Variants in ADCY3 observed in about 807,000 individuals in gnomAD.
ADCY3 encodes the protein adenylate cyclase 3.
A neutral mutation model predicts 119.4 loss-of-function variants in ADCY3; 70 were observed. That is an observed-to-expected ratio of 0.59 (90% CI 0.48 to 0.72). ADCY3 has a LOEUF of 0.72. ADCY3 is among the 30% of genes least tolerant of loss of function. The pLI is 0.00. For missense variants in ADCY3, 1,238 were observed against 1,541.6 expected (o/e 0.80, Z 3.30); for synonymous variants, 672 against 621.4 (o/e 1.08, Z -1.21).
At position 24,872,810 on chromosome 2, in the gene ADCY3, G is replaced by T; in HGVS notation, c.676-91C>A. On this transcript the variant is annotated intron_variant, in intron 2 of 21. Coordinates refer to ENST00000679454, the MANE Select transcript of ADCY3 (RefSeq NM_004036.5). This position sits in a 1 kb window ranked among gnomAD's most constrained non-coding sequence, Gnocchi z 4.4. ...AGAAGGGGATGGAGGAGGTGGGGTGGGTGGTGACCAAAATCAAACCTCAAG... is the reference window on the plus strand; with the variant it reads ...AGAAGGGGATGGAGGAGGTGGGGTGTGTGGTGACCAAAATCAAACCTCAAG... 1 of 1,478,090 alleles carries T rather than the reference G, an allele frequency of 6.8e-7. No individual in the cohort carries two copies. Among genetic ancestry groups the T allele is most frequent in the Non-Finnish European group, 9.2e-7 (1 of 1,086,148 alleles). The allele number at this position is 1,478,090 out of a possible 1,614,324, so 91.6% of individuals were successfully genotyped here.
chr2:24,844,408 G>A (rs1042922545), intron 3 of ADCY3, among the ~76,000 whole-genome samples: 2 of 152,236 alleles, frequency 1.3e-5, no homozygotes, highest in East Asian at 1.9e-4. Flanking sequence ...GGCCACAGGA[G>A]CAGGAGCCAG....
chr2:24,880,057 C>A (rs1676208904), intron 2 of ADCY3, among the ~76,000 whole-genome samples: 1 of 152,352 alleles, frequency 6.6e-6, no homozygotes, highest in East Asian at 1.9e-4. Flanking sequence ...GGTGCTGCTG[C>A]CATGCCCTTC....
chr2:24,895,472 G>A (rs115669075), intron 2 of ADCY3, among the ~76,000 whole-genome samples: 1,552 of 152,102 alleles, frequency 0.01, 30 homozygotes, highest in African/African-American at 0.036. Context: ...AAATTTGGAC[G>A]TTTTCCCACC....
Position 24,918,686 on chromosome 2 carries a change from G to C in ADCY3, c.302C>G (p.Ser101Cys), listed in dbSNP as rs1367296616. 6.2e-7 allele frequency: 1 copy of C among 1,614,096 alleles called. No individual in the cohort carries two copies. Among genetic ancestry groups the C allele is most frequent in the Non-Finnish European group, 8.5e-7 (1 of 1,180,010 alleles). The change falls in exon 2 of 22, where the codon TCC (serine) becomes TGC (cysteine). Residue 101 changes from serine to cysteine, a missense_variant. Ser to Cys is a moderately radical substitution (Grantham distance 112). Coordinates refer to ENST00000679454, the MANE Select transcript of ADCY3 (RefSeq NM_004036.5). The surrounding 1 kb of genome is among the most constrained non-coding windows in gnomAD (Gnocchi z 5.4). Reference sequence around the variant, plus strand: ...GGCGAGGGAAGCCAGCTTGTCGCTGGAGAAGACCACAGCACACATGACCAC... The same window carrying C: ...GGCGAGGGAAGCCAGCTTGTCGCTGCAGAAGACCACAGCACACATGACCAC... ...YVVVMCAVVFSSDKLASLAVA... is the reference protein window; with the variant it reads ...YVVVMCAVVFCSDKLASLAVA...
intron 3 of ADCY3, among the ~76,000 whole-genome samples, chr2:24,858,139 C>T (rs969581598): frequency 6.6e-6 from 1 of 151,384 alleles, no homozygotes; most frequent in East Asian, 1.9e-4. Flanking sequence ...GCTGGGACTA[C>T]AGGTGCGCAC....
At position 24,842,412 on chromosome 2, in the gene ADCY3, C is replaced by T; in HGVS notation, c.826-28G>A. On this transcript the variant is annotated intron_variant, in intron 3 of 21. Coordinates refer to ENST00000679454, the MANE Select transcript of ADCY3 (RefSeq NM_004036.5). The surrounding 1 kb of genome is among the most constrained non-coding windows in gnomAD (Gnocchi z 4.9). ...GTGAGGGGCAGGAGAGGGTCAGAGG[C>T]AAAGGTAGGCCCTGCTAGAGGCAAG... 6.2e-7 allele frequency: 1 copy of T among 1,613,750 alleles called. No individual in the cohort carries two copies. Among genetic ancestry groups the T allele is most frequent in the South Asian group, 1.1e-5 (1 of 91,064 alleles).
rs1676015452 is a variant in ADCY3, at chr2:24,878,706, G to A, written c.676-5987C>T. Among the ~76,000 whole-genome samples, 1 of 152,184 alleles carries A rather than the reference G, an allele frequency of 6.6e-6. No homozygotes were observed. The highest frequency in any genetic ancestry group is 1.5e-5 in the Non-Finnish European group (1 of 68,036). On this transcript the variant is annotated intron_variant, in intron 2 of 21. Coordinates refer to ENST00000679454, the MANE Select transcript of ADCY3 (RefSeq NM_004036.5). The surrounding 1 kb of genome is among the most constrained non-coding windows in gnomAD (Gnocchi z 4.0). ...TCTCCCACCCAAGGAGGCCCAGCCA[G>A]AGCCTGTGAGGCCGCCACTCAGCAC...
intron 2 of ADCY3, among the ~76,000 whole-genome samples, chr2:24,889,726 C>T (rs1677458236): frequency 6.6e-6 from 1 of 152,208 alleles, no homozygotes; most frequent in South Asian, 2.1e-4. Context: ...ATCCCAGCTA[C>T]TTGGGAGGCT....
At chr2:24,835,688 C>CA (rs1213355345) in intron 9 of ADCY3, among the ~76,000 whole-genome samples, 6 of 152,178 alleles carry the variant, frequency 3.9e-5, no homozygotes, top group African/African-American at 1.4e-4. Flanking sequence ...GTCATCCCAG[C>CA]ACTCTGGGAG....
intron 15 of ADCY3, among the ~76,000 whole-genome samples, chr2:24,827,337 A>T (rs1258983586): frequency 2.0e-5 from 3 of 152,100 alleles, no homozygotes; most frequent in Non-Finnish European, 4.4e-5. Context: ...AGCCAGTTAC[A>T]TGCAGCTGCC....
At chr2:24,882,301 T>C (rs1676493613) in intron 2 of ADCY3, among the ~76,000 whole-genome samples, 1 of 152,214 alleles carries the variant, frequency 6.6e-6, no homozygotes, top group Non-Finnish European at 1.5e-5. Flanking sequence ...CATCTTATCC[T>C]AACCCAGGGA....
intron 7 of ADCY3, 29 bp from the exon 8 acceptor site, chr2:24,838,651 G>A (rs199909776): frequency 1.6e-5 from 25 of 1,611,774 alleles, no homozygotes; most frequent in African/African-American, 5.3e-5. Flanking sequence ...GGCCCTGAGC[G>A]TCGGCCAGAG....
intron 2 of ADCY3, among the ~76,000 whole-genome samples, chr2:24,914,015 G>A (rs996750204): frequency 5.8e-5 from 8 of 139,068 alleles, no homozygotes; most frequent in African/African-American, 1.1e-4. Flanking sequence ...CTCATTGGCC[G>A]CTGGTCCTGC....
chr2:24,821,456 G>T, intron 20 of ADCY3, 61 bp downstream of exon 20: 2 of 1,593,108 alleles, frequency 1.3e-6, no homozygotes. Flanking sequence ...TCCTGGTGGT[G>T]GGCCAGGCCC....
rs565303281 is a variant in ADCY3, at chr2:24,827,889, C to T, written c.2432+13G>A. 9.6e-5 allele frequency: 155 copies of T among 1,613,712 alleles called. No individual in the cohort carries two copies. The highest frequency in any genetic ancestry group is 7.6e-4 in the East Asian group (34 of 44,886). On this transcript the variant is annotated intron_variant, in intron 14 of 21. Transcript: ENST00000679454. Reference sequence around the variant, plus strand: ...AGGAGACAATACAGATCCCCAGTCACGCTTCATCTTACTCGTGCTCCCGAA... The same window carrying T: ...AGGAGACAATACAGATCCCCAGTCATGCTTCATCTTACTCGTGCTCCCGAA...
intron 2 of ADCY3, among the ~76,000 whole-genome samples, chr2:24,896,304 G>A (rs556395325): frequency 6.6e-6 from 1 of 152,178 alleles, no homozygotes; most frequent in South Asian, 2.1e-4. Flanking sequence ...AGAATCGCTT[G>A]AACCTGGGAG....
At chr2:24,902,873 C>G (rs1679064602) in intron 2 of ADCY3, among the ~76,000 whole-genome samples, 1 of 151,998 alleles carries the variant, frequency 6.6e-6, no homozygotes, top group African/African-American at 2.4e-5. Flanking sequence ...CTACTAAAAA[C>G]ACAAAAAATT....
intron 2 of ADCY3, among the ~76,000 whole-genome samples, chr2:24,875,842 G>A (rs1450111743): frequency 1.3e-5 from 2 of 152,178 alleles, no homozygotes; most frequent in African/African-American, 4.8e-5. Flanking sequence ...AATTAAACAA[G>A]GTGTTAAAAC....
At chr2:24,820,484 T>C (rs1667449591) in intron 21 of ADCY3, 5 of 1,395,144 alleles carry the variant, frequency 3.6e-6, no homozygotes, top group Non-Finnish European at 3.7e-6. Flanking sequence ...AGAAGGTTCA[T>C]ACCCAAAGGT....
Sources: allele counts gnomAD v4.1 joint callset (sites outside exome capture counted in the v4.1 genomes callset), GRCh38; gene constraint gnomAD v4.1.1; non-coding constraint Gnocchi (gnomAD v3.1); transcripts MANE v1.5; gene names NCBI Gene and HGNC (gene_info 2026-07-23, HGNC 2026-07-21).